Variants in SAPCD2 observed in about 807,000 individuals in gnomAD.
SAPCD2 encodes suppressor APC domain-containing protein 2.
In SAPCD2, 34 loss-of-function variants were observed where a neutral mutation model predicts 37.8. That is an observed-to-expected ratio of 0.90 (90% CI 0.68 to 1.20). The LOEUF (loss-of-function observed/expected upper bound fraction) is 1.20, where lower values mean the gene tolerates loss of function less well. SAPCD2 is among the 50% of genes most tolerant of loss of function. The pLI, the probability that SAPCD2 is intolerant of heterozygous loss-of-function variation, is 0.00. For missense variants in SAPCD2, 572 were observed against 584.7 expected (o/e 0.98, Z 0.22); for synonymous variants, 275 against 270.3 (o/e 1.02, Z -0.17).
In SAPCD2 at chr9:137,064,520, C is replaced by T. The variant is rs1187094398; in HGVS notation, c.*139G>A. On this transcript the variant is annotated 3_prime_UTR_variant, in exon 6 of 6. Coordinates refer to ENST00000409687, the MANE Select transcript of SAPCD2 (RefSeq NM_178448.4). ...GCCTGGGGAGCCCATCTGGCAAGGGCGGCAGGAAGGCGCCCACTCCGGGAC... is the reference window on the plus strand; with the variant it reads ...GCCTGGGGAGCCCATCTGGCAAGGGTGGCAGGAAGGCGCCCACTCCGGGAC... The T allele has an allele frequency of 5.1e-6, 5 of 986,552 alleles. No individual in the cohort carries two copies. The highest frequency in any genetic ancestry group is 5.2e-5 in the Admixed American group (2 of 38,360). The allele number at this position is 986,552 out of a possible 1,614,324, so 61.1% of individuals were successfully genotyped here.
rs1418175343 is a variant in SAPCD2, at chr9:137,065,633, C to T, written c.720G>A (p.Glu240=). 1.9e-6 allele frequency: 3 copies of T among 1,608,744 alleles called. No individual in the cohort carries two copies. The highest frequency in any genetic ancestry group is 2.6e-6 in the Non-Finnish European group (3 of 1,176,358). The part of the protein sequence containing the change: ...KQMKELEQEK[E]VLLQGLEMMA... ...TCATCTCCAAACCCTGCAGCAGCAC[C>T]TCCTTCTCCTGCTCCAGCTCCTTCA... The change falls in exon 3 of 6, where the codon GAG becomes GAA. Residue 240 remains glutamate, a synonymous_variant. Coordinates refer to ENST00000409687, the MANE Select transcript of SAPCD2 (RefSeq NM_178448.4).
chr9:137,065,893 C>CT (rs1480501883), intron 2 of SAPCD2, among the ~76,000 whole-genome samples: 2 of 152,216 alleles, frequency 1.3e-5, no homozygotes, highest in Non-Finnish European at 2.9e-5. Flanking sequence ...GCTGAGGGGT[C>CT]TTGGCCTTTC....
At chr9:137,065,495 A>T (rs1490252862) in intron 3 of SAPCD2, 27 bp downstream of exon 3, 3 of 1,570,016 alleles carry the variant, frequency 1.9e-6, no homozygotes, top group African/African-American at 2.7e-5. Flanking sequence ...ATGTGTGGGG[A>T]TCTGGGGACA....
At chr9:137,065,353 G>A (rs1246833587) in intron 3 of SAPCD2, among the ~76,000 whole-genome samples, 168 bp from the exon 4 acceptor site, 2 of 152,142 alleles carry the variant, frequency 1.3e-5, no homozygotes, top group African/African-American at 4.8e-5. Context: ...AGACACCTTA[G>A]GCCCTAGGAG....
At position 137,063,055 on chromosome 9, in the gene SAPCD2, C is replaced by T. The variant is rs1832483101; in HGVS notation, c.*1604G>A. The T allele has an allele frequency of 6.6e-6, 1 of 152,318 alleles. No individual in the cohort carries two copies. The highest frequency in any genetic ancestry group is 1.5e-5 in the Non-Finnish European group (1 of 68,096). The allele number at this position is 152,318 out of a possible 1,614,324, so 9.4% of individuals were successfully genotyped here. A position where few individuals can be genotyped will look rare whatever the true frequency, so the allele number is the denominator to read the frequency against. ...GAGGCCCTGGTGGGCAGACCCCAGCCTGCTGACGGGGGGCTTCTCCCTGGC... is the reference window on the plus strand; with the variant it reads ...GAGGCCCTGGTGGGCAGACCCCAGCTTGCTGACGGGGGGCTTCTCCCTGGC... On this transcript the variant is annotated 3_prime_UTR_variant, in exon 6 of 6. Transcript: ENST00000409687.
rs370910063 is a variant in SAPCD2, at chr9:137,064,658, A to C, written c.*1T>G. ...CTGGGGGCCCACGCGGCCCACAAGG[A>C]CTAGATGAAGGTGGAATCCAGAGGT... On this transcript the variant is annotated 3_prime_UTR_variant, in exon 6 of 6. Transcript: ENST00000409687. The C allele has an allele frequency of 2.5e-5, 40 of 1,597,260 alleles. No homozygotes were observed. The highest frequency in any genetic ancestry group is 3.1e-5 in the Non-Finnish European group (36 of 1,173,504).
chr9:137,065,068 G>A lies in SAPCD2; in HGVS notation c.939+10C>T. The A allele has an allele frequency of 4.6e-6, 7 of 1,518,830 alleles. No homozygotes were observed. The highest frequency in any genetic ancestry group is 2.8e-5 in the African/African-American group (2 of 72,646). 94.1% of individuals were successfully genotyped at this position (1,518,830 alleles called of 1,614,324 possible). A position where few individuals can be genotyped will look rare whatever the true frequency, so the allele number is the denominator to read the frequency against. Reference sequence around the variant, plus strand: ...CCCAGCGTGGGTGTGGGGGTTTGGGGTACACTCACCCGGCTGGCACAGGCT... The same window carrying A: ...CCCAGCGTGGGTGTGGGGGTTTGGGATACACTCACCCGGCTGGCACAGGCT... On this transcript the variant is annotated intron_variant, in intron 4 of 5. Transcript: ENST00000409687.
intron 1 of SAPCD2, among the ~76,000 whole-genome samples, chr9:137,068,275 T>C (rs1222087313): frequency 6.6e-6 from 1 of 152,074 alleles, no homozygotes; most frequent in Non-Finnish European, 1.5e-5. Flanking sequence ...AGGGAGGCCA[T>C]AGAGGAAGTC....
chr9:137,070,423 G>C lies in SAPCD2; in HGVS notation c.38C>G (p.Pro13Arg), dbSNP rs546181601. 40 of 1,291,968 alleles carry C rather than the reference G, an allele frequency of 3.1e-5. No individual in the cohort carries two copies. In the South Asian group the frequency reaches 7.5e-4, roughly 24 times the overall value. The allele number at this position is 1,291,968 out of a possible 1,614,324, so 80.0% of individuals were successfully genotyped here. A position where few individuals can be genotyped will look rare whatever the true frequency, so the allele number is the denominator to read the frequency against. Residue 13 changes from proline to arginine, a missense_variant, in exon 1 of 6, where the codon CCT becomes CGT. Pro to Arg is a moderately radical substitution (Grantham distance 103). Coordinates refer to ENST00000409687, the MANE Select transcript of SAPCD2 (RefSeq NM_178448.4). Reference protein sequence around the residue: ...GAAMAERGRVPPPAPAPSTEG... With the variant: ...GAAMAERGRVRPPAPAPSTEG... Reference sequence around the variant, plus strand: ...CGTGCTGGGCGCGGGTGCGGGGGGAGGCACGCGGCCCCGCTCGGCCATGGC... The same window carrying C: ...CGTGCTGGGCGCGGGTGCGGGGGGACGCACGCGGCCCCGCTCGGCCATGGC...
Position 137,070,053 on chromosome 9 carries a change from C to T in SAPCD2, c.408G>A (p.Glu136=), listed in dbSNP as rs1832601627. ...APADEPRTVL[E]RKPLPLGVRA... is the part of the protein sequence containing the mutation. Reference sequence around the variant, plus strand: ...GCACGCCCAGGGGCAGGGGCTTCCTCTCCAGGACCGTCCGCGGCTCGTCGG... The same window carrying T: ...GCACGCCCAGGGGCAGGGGCTTCCTTTCCAGGACCGTCCGCGGCTCGTCGG... Residue 136 remains glutamate, a synonymous_variant, in exon 1 of 6, where the codon GAG becomes GAA. Coordinates refer to ENST00000409687, the MANE Select transcript of SAPCD2 (RefSeq NM_178448.4). The T allele has an allele frequency of 1.7e-6, 2 of 1,199,522 alleles. No individual in the cohort carries two copies. Among genetic ancestry groups the T allele is most frequent in the Non-Finnish European group, 2.1e-6 (2 of 967,408 alleles). The allele number at this position is 1,199,522 out of a possible 1,614,324, so 74.3% of individuals were successfully genotyped here.
chr9:137,070,061 C>T lies in SAPCD2; in HGVS notation c.400G>A (p.Val134Ile). 8.4e-7 allele frequency: 1 copy of T among 1,197,366 alleles called. No homozygotes were observed. The highest frequency in any genetic ancestry group is 1.6e-5 in the African/African-American group (1 of 62,988). 74.2% of individuals were successfully genotyped at this position (1,197,366 alleles called of 1,614,324 possible). A position where few individuals can be genotyped will look rare whatever the true frequency, so the allele number is the denominator to read the frequency against. Residue 134 changes from valine to isoleucine, a missense_variant, in exon 1 of 6, where the codon GTC becomes ATC. By Grantham distance (29) the Val-to-Ile change is conservative. Transcript: ENST00000409687. ...AGGGGCAGGGGCTTCCTCTCCAGGA[C>T]CGTCCGCGGCTCGTCGGCCGGAGCG... ...VFAPADEPRT[V>I]LERKPLPLGV...
At chr9:137,065,405 G>A (rs1206951245) in intron 3 of SAPCD2, 117 bp downstream of exon 3, 15 of 1,284,896 alleles carry the variant, frequency 1.2e-5, no homozygotes, top group Non-Finnish European at 1.6e-5. Context: ...TCAGCATCCT[G>A]GGTGGAATCG....
chr9:137,066,111 G>A, intron 2 of SAPCD2, 151 bp downstream of exon 2: 1 of 693,694 alleles, frequency 1.4e-6, no homozygotes, highest in Non-Finnish European at 2.5e-6. Flanking sequence ...CATCCCTCCA[G>A]GGGAGTCAAG....
At chr9:137,067,646 C>T (rs1344150874) in intron 1 of SAPCD2, among the ~76,000 whole-genome samples, 1 of 151,044 alleles carries the variant, frequency 6.6e-6, no homozygotes, top group African/African-American at 2.4e-5. Context: ...TGGTGGCATG[C>T]ACCTGTAATC....
intron 1 of SAPCD2, among the ~76,000 whole-genome samples, chr9:137,066,879 G>A (rs1301176835): frequency 3.3e-5 from 5 of 152,216 alleles, no homozygotes; most frequent in Admixed American, 2.0e-4. Context: ...CCGCATGGCC[G>A]GGCACAGTGG....
Position 137,062,296 on chromosome 9 carries a change from T to C in SAPCD2, c.*2363A>G, listed in dbSNP as rs1192226018. The C allele has an allele frequency of 6.6e-6, 1 of 151,684 alleles. No homozygotes were observed. Among genetic ancestry groups the C allele is most frequent in the Non-Finnish European group, 1.5e-5 (1 of 67,974 alleles). 9.4% of individuals were successfully genotyped at this position (151,684 alleles called of 1,614,324 possible). A position where few individuals can be genotyped will look rare whatever the true frequency, so the allele number is the denominator to read the frequency against. ...TTATGAATTTTTAAACCTGGATCTC[T>C]CATTTTCTTTCTTTCTTTTTTTTTT... On this transcript the variant is annotated 3_prime_UTR_variant, in exon 6 of 6. Coordinates refer to ENST00000409687, the MANE Select transcript of SAPCD2 (RefSeq NM_178448.4).
chr9:137,065,811 A>T (rs1832537470), intron 2 of SAPCD2, 143 bp from the exon 3 acceptor site: 1 of 1,024,790 alleles, frequency 9.8e-7, no homozygotes, highest in African/African-American at 1.6e-5. Context: ...ACACCCACGG[A>T]CGCACGCTTC....
intron 1 of SAPCD2, among the ~76,000 whole-genome samples, chr9:137,068,466 G>A (rs1403599652): frequency 1.3e-5 from 2 of 152,242 alleles, no homozygotes; most frequent in East Asian, 1.9e-4. Context: ...GAGCAAACAC[G>A]CAGTCCCAGG....
At position 137,064,656 on chromosome 9, in the gene SAPCD2, G is replaced by T; in HGVS notation, c.*3C>A. ...CCCTGGGGGCCCACGCGGCCCACAA[G>T]GACTAGATGAAGGTGGAATCCAGAG... On this transcript the variant is annotated 3_prime_UTR_variant, in exon 6 of 6. Transcript: ENST00000409687. The T allele has an allele frequency of 6.3e-7, 1 of 1,596,798 alleles. No homozygotes were observed. The highest frequency in any genetic ancestry group is 8.5e-7 in the Non-Finnish European group (1 of 1,173,194).
Sources: allele counts gnomAD v4.1 joint callset (sites outside exome capture counted in the v4.1 genomes callset), GRCh38; gene constraint gnomAD v4.1.1; transcripts MANE v1.5; gene names NCBI Gene and HGNC (gene_info 2026-07-23, HGNC 2026-07-21).